NXN: variants seen among roughly 807,000 people sequenced by gnomAD.
NXN encodes nucleoredoxin 1.
In NXN, 16 loss-of-function variants were observed where a neutral mutation model predicts 48.6. The ratio of observed to expected loss-of-function variants is 0.33; its 90% CI spans 0.22 to 0.50. NXN has a LOEUF of 0.50. Ranked by LOEUF, NXN falls within the 20% of genes least tolerant of loss-of-function variation. NXN has a pLI of 0.98. For synonymous variants in NXN, 281 were observed against 269.6 expected, an observed-to-expected ratio of 1.04 and a Z score of -0.41; for missense variants, 492 against 605.5, an observed-to-expected ratio of 0.81 and a Z score of 1.97.
chr17:902,111 G>A (rs910856981), intron 1 of NXN, among the ~76,000 whole-genome samples: 1 of 152,186 alleles, frequency 6.6e-6, no homozygotes, highest in Non-Finnish European at 1.5e-5. Flanking sequence ...ATACCCTCGG[G>A]TGTTTGTCCC....
chr17:854,728 G>A (rs934430374), intron 1 of NXN, among the ~76,000 whole-genome samples: 3 of 151,670 alleles, frequency 2.0e-5, no homozygotes, highest in African/African-American at 7.3e-5. Context: ...GGAGGCCGAG[G>A]AAGATGGATC....
chr17:823,570 T>C, intron 3 of NXN, 62 bp downstream of exon 3: 2 of 1,594,550 alleles, frequency 1.3e-6, no homozygotes, highest in African/African-American at 1.3e-5. Context: ...CAACCACAGC[T>C]GGGCCTGCTG....
At chr17:844,107 G>A (rs1475664605) in intron 1 of NXN, among the ~76,000 whole-genome samples, 5 of 148,510 alleles carry the variant, frequency 3.4e-5, no homozygotes, top group Admixed American at 1.3e-4. Context: ...TCTACGTGCC[G>A]TCCTGCCTCT....
At chr17:844,911 T>G (rs1231817642) in intron 1 of NXN, among the ~76,000 whole-genome samples, 1 of 152,056 alleles carries the variant, frequency 6.6e-6, no homozygotes, top group African/African-American at 2.4e-5. Flanking sequence ...CAAAAATCCA[T>G]GCCAAGATGC....
At chr17:860,897 C>G (rs1009959292) in intron 1 of NXN, among the ~76,000 whole-genome samples, 2 of 152,202 alleles carry the variant, frequency 1.3e-5, no homozygotes, top group African/African-American at 2.4e-5. Context: ...CTGACTATTC[C>G]TCCTTTCTTG....
intron 1 of NXN, among the ~76,000 whole-genome samples, chr17:950,987 C>T (rs984623189): frequency 2.6e-5 from 4 of 151,984 alleles, no homozygotes; most frequent in East Asian, 1.9e-4. Flanking sequence ...AATCCTCAAT[C>T]GCTTATGAAA....
intron 1 of NXN, among the ~76,000 whole-genome samples, chr17:957,556 C>T (rs1036542291): frequency 8.6e-5 from 13 of 150,894 alleles, no homozygotes; most frequent in South Asian, 2.1e-4. Context: ...TGCTTGAACA[C>T]GGGAGGTGTA....
intron 5 of NXN, among the ~76,000 whole-genome samples, chr17:815,408 C>T (rs2983483): frequency 6.8e-5 from 10 of 146,058 alleles, no homozygotes; most frequent in South Asian, 2.2e-4. Flanking sequence ...CCCATCCGTA[C>T]GATGAGGGCG....
At chr17:838,166 C>G (rs1211151129) in intron 1 of NXN, among the ~76,000 whole-genome samples, 1 of 120,162 alleles carries the variant, frequency 8.3e-6, no homozygotes, top group Non-Finnish European at 1.6e-5. Flanking sequence ...GAGTCTCGCT[C>G]TGTCGCCCAG....
chr17:826,377 C>A (rs1403332048), intron 1 of NXN, among the ~76,000 whole-genome samples: 1 of 152,092 alleles, frequency 6.6e-6, no homozygotes. Flanking sequence ...CCCACTGGCC[C>A]CCATAGTCTG....
intron 1 of NXN, among the ~76,000 whole-genome samples, chr17:934,194 C>T (rs1486656295): frequency 1.3e-5 from 2 of 151,964 alleles, no homozygotes; most frequent in Non-Finnish European, 2.9e-5. Flanking sequence ...GCCTGTAATC[C>T]CAGCACTTTG....
At chr17:929,189 T>G (rs1567505545) in intron 1 of NXN, among the ~76,000 whole-genome samples, 1 of 152,236 alleles carries the variant, frequency 6.6e-6, no homozygotes. Flanking sequence ...AACAGGCAGC[T>G]GGAGGTGAGC....
intron 1 of NXN, among the ~76,000 whole-genome samples, chr17:967,178 A>T (rs1486406920): frequency 1.3e-5 from 2 of 152,180 alleles, no homozygotes; most frequent in Non-Finnish European, 2.9e-5. Flanking sequence ...ACAGGTGTGG[A>T]CACAACTCAG....
intron 5 of NXN, among the ~76,000 whole-genome samples, chr17:817,666 T>C (rs1208852168): frequency 7.0e-6 from 1 of 142,466 alleles, no homozygotes; most frequent in Non-Finnish European, 1.5e-5. Flanking sequence ...AAGACTCCAA[T>C]TCAGGAAAAA....
rs201195602 is a variant in NXN, at chr17:802,027, T to G, written c.1126-896A>C. Reference sequence around the variant, plus strand: ...CACTTTATCCTACATTCCCAGCAGCTGTCCTGGTGAATTTCCCTAATAGCA... The same window carrying G: ...CACTTTATCCTACATTCCCAGCAGCGGTCCTGGTGAATTTCCCTAATAGCA... On this transcript the variant is annotated intron_variant, in intron 7 of 7. Transcript: ENST00000336868. 2.8e-4 allele frequency among the ~76,000 whole-genome samples: 42 copies of G among 152,372 alleles called. No individual in the cohort carries two copies. The East Asian group carries it at 7.5e-3, about 27-fold the overall frequency.
At position 917,076 on chromosome 17, in the gene NXN, A is replaced by C. The variant is rs1185609409; in HGVS notation, c.360+62243T>G. On this transcript the variant is annotated intron_variant, in intron 1 of 7. Coordinates refer to ENST00000336868, the MANE Select transcript of NXN (RefSeq NM_022463.5). This position sits in a 1 kb window ranked among gnomAD's most constrained non-coding sequence, Gnocchi z 4.5. ...GTTCTGTTATACATGCTGAAGCTAC[A>C]AATCAAACATCCGCTTTGCCTCCAA... 1.3e-5 allele frequency among the ~76,000 whole-genome samples: 2 copies of C among 152,150 alleles called. No homozygotes were observed. The highest frequency in any genetic ancestry group is 2.9e-5 in the Non-Finnish European group (2 of 68,030).
rs1030360003 is a variant in NXN at position 978,081 on chromosome 17, G to A, written c.360+1238C>T. Among the ~76,000 whole-genome samples, 3 of 152,064 alleles carry A rather than the reference G, an allele frequency of 2.0e-5. No homozygotes were observed. The highest frequency in any genetic ancestry group is 4.4e-5 in the Non-Finnish European group (3 of 67,998). The stretch of plus-strand genomic sequence containing the variant: ...TCACAGTGTAAGCCTTTTGCTCCCA[G>A]TAAATCTAAATCATGCTTCTCAACA... On this transcript the variant is annotated intron_variant, in intron 1 of 7. Transcript: ENST00000336868. This position sits in a 1 kb window ranked among gnomAD's most constrained non-coding sequence, Gnocchi z 4.1.
intron 5 of NXN, among the ~76,000 whole-genome samples, chr17:816,149 G>A (rs919281720): frequency 2.6e-5 from 4 of 152,148 alleles, no homozygotes; most frequent in African/African-American, 9.7e-5. Context: ...AAGGGCCTCT[G>A]GTTGCAACTG....
chr17:844,664 A>C (rs1011862978), intron 1 of NXN, among the ~76,000 whole-genome samples: 5 of 151,662 alleles, frequency 3.3e-5, no homozygotes, highest in Non-Finnish European at 7.4e-5. Context: ...GGCTCACTAC[A>C]ACCTCCGCCT....
Sources: allele counts gnomAD v4.1 joint callset (sites outside exome capture counted in the v4.1 genomes callset), GRCh38; gene constraint gnomAD v4.1.1; non-coding constraint Gnocchi (gnomAD v3.1); transcripts MANE v1.5; gene names NCBI Gene and HGNC (gene_info 2026-07-23, HGNC 2026-07-21).